SHBG: variants seen among roughly 807,000 people sequenced by gnomAD.
SHBG encodes sex hormone-binding globulin.
A neutral mutation model predicts 41.9 loss-of-function variants in SHBG; 37 were observed. The ratio of observed to expected loss-of-function variants is 0.88; its 90% CI spans 0.68 to 1.16. SHBG has a LOEUF of 1.16. SHBG is among the 50% of genes most tolerant of loss of function. The pLI is 0.00. For synonymous variants in SHBG, 217 were observed against 205.8 expected, an observed-to-expected ratio of 1.05 and a Z score of -0.47; for missense variants, 466 against 499.9, an observed-to-expected ratio of 0.93 and a Z score of 0.65.
In SHBG at chr17:7,630,711, G is replaced by A. The variant is rs1362532793; in HGVS notation, c.235G>A (p.Asp79Asn). 1.2e-6 allele frequency: 2 copies of A among 1,614,072 alleles called. No individual in the cohort carries two copies. The highest frequency in any genetic ancestry group is 2.2e-5 in the South Asian group (2 of 91,082). The change falls in exon 3 of 8, where the codon GAC becomes AAC. Residue 79 changes from aspartate (D) to asparagine (N), a missense_variant. Coordinates refer to ENST00000380450, the MANE Select transcript of SHBG (RefSeq NM_001040.5). This position sits in a 1 kb window ranked among gnomAD's most constrained non-coding sequence, Gnocchi z 4.6. ...TSSSFEVRTW[D>N]PEGVIFYGDT... The stretch of plus-strand genomic sequence containing the variant: ...CTCCTCCTTTGAGGTTCGAACCTGG[G>A]ACCCAGAGGGAGTGATTTTTTATGG...
chr17:7,621,204 G>A (rs2072090420), intron 1 of SHBG, among the ~76,000 whole-genome samples: 1 of 138,660 alleles, frequency 7.2e-6, no homozygotes, highest in Non-Finnish European at 1.6e-5. Context: ...TCGCCACGTG[G>A]GCAAATGTAT....
At chr17:7,616,430 A>AC (rs2071989410) in intron 1 of SHBG, among the ~76,000 whole-genome samples, 1 of 133,890 alleles carries the variant, frequency 7.5e-6, no homozygotes, top group African/African-American at 2.8e-5. Flanking sequence ...ACACGGTGAA[A>AC]CCCCATCTCA....
intron 1 of SHBG, among the ~76,000 whole-genome samples, chr17:7,619,157 G>A (rs2072044512): frequency 6.6e-6 from 1 of 151,886 alleles, no homozygotes; most frequent in Non-Finnish European, 1.5e-5. Flanking sequence ...TTGGGAGGCC[G>A]AGGTGGGCAG....
intron 1 of SHBG, among the ~76,000 whole-genome samples, chr17:7,620,544 C>T (rs1340776625): frequency 6.6e-6 from 1 of 152,086 alleles, no homozygotes; most frequent in Non-Finnish European, 1.5e-5. Flanking sequence ...TGGTCTCGAA[C>T]TCCTGACCTC....
intron 1 of SHBG, among the ~76,000 whole-genome samples, chr17:7,617,373 G>A (rs897118258): frequency 1.3e-5 from 2 of 151,692 alleles, no homozygotes; most frequent in African/African-American, 2.4e-5. Context: ...AGGCTGAGGC[G>A]GGTGGATCAC....
intron 6 of SHBG, 109 bp downstream of exon 6, chr17:7,632,124 T>TTCCAGCCCTGG: frequency 8.7e-7 from 1 of 1,146,158 alleles, no homozygotes; most frequent in South Asian, 1.2e-5. Flanking sequence ...CCAGGGAACA[T>TTCCAGCCCTGG]AACAAGACTG....
upstream of SHBG, chr17:7,626,558 C>T (rs1391365115): frequency 1.2e-6 from 2 of 1,614,122 alleles, no homozygotes; most frequent in African/African-American, 2.7e-5. Flanking sequence ...CCATGGCCCT[C>T]TGGTTCCAGT....
chr17:7,628,507 C>T (rs926984239), upstream of SHBG, among the ~76,000 whole-genome samples: 34 of 151,750 alleles, frequency 2.2e-4, no homozygotes, highest in Non-Finnish European at 3.5e-4. Context: ...AGTGCAGTGG[C>T]GCGATCTCGG....
At chr17:7,619,051 G>GT (rs2072042857) in intron 1 of SHBG, among the ~76,000 whole-genome samples, 3 of 152,124 alleles carry the variant, frequency 2.0e-5, no homozygotes, top group Non-Finnish European at 4.4e-5. Flanking sequence ...AAAAAGAATT[G>GT]TAACTATCCA....
intron 1 of SHBG, chr17:7,614,153 T>G (rs1242285497): frequency 6.4e-6 from 4 of 620,846 alleles, no homozygotes; most frequent in East Asian, 3.3e-5. Context: ...AATTAGAAGC[T>G]GGGTAAAGGG....
At chr17:7,617,263 G>A (rs2072010214) in intron 1 of SHBG, among the ~76,000 whole-genome samples, 1 of 151,980 alleles carries the variant, frequency 6.6e-6, no homozygotes, top group Non-Finnish European at 1.5e-5. Flanking sequence ...TGTGATGGCA[G>A]AAGAAAGACA....
chr17:7,633,025 T>G, intron 7 of SHBG, 66 bp downstream of exon 7: 1 of 1,494,800 alleles, frequency 6.7e-7, no homozygotes, highest in East Asian at 2.3e-5. Flanking sequence ...AGGCGGCACA[T>G]TTTGAGGGGA....
intron 6 of SHBG, among the ~76,000 whole-genome samples, chr17:7,632,368 C>T (rs983216909): frequency 8.6e-5 from 13 of 151,958 alleles, no homozygotes; most frequent in African/African-American, 2.9e-4. Flanking sequence ...CACTTGAGCC[C>T]AGGAGTTTGA....
chr17:7,629,536 A>C (rs371831360), upstream of SHBG, among the ~76,000 whole-genome samples: 5 of 152,142 alleles, frequency 3.3e-5, no homozygotes, highest in East Asian at 5.8e-4. Context: ...AATCATACAC[A>C]CAGACAATAC....
upstream of SHBG, chr17:7,627,182 A>G (rs1398005497): frequency 6.2e-7 from 1 of 1,614,086 alleles, no homozygotes; most frequent in South Asian, 1.1e-5. The surrounding 1 kb of genome is among the most constrained non-coding windows in gnomAD (Gnocchi z 4.8). Context: ...TCTGCTACCA[A>G]ACAGTGATAG....
chr17:7,630,445 C>A lies in SHBG; in HGVS notation c.141C>A (p.Leu47=), dbSNP rs1328890223. 8 of 1,614,150 alleles carry A rather than the reference C, an allele frequency of 5.0e-6. No homozygotes were observed. In the Admixed American group the frequency reaches 1.3e-4, roughly 27 times the overall value. ...QSAHDPPAVH[L]SNGPGQEPIA... is the part of the protein sequence containing the mutation. ...CCCACGACCCTCCGGCTGTCCACCT[C>A]AGCAATGGCCCAGGACAAGAGCCTA... The change falls in exon 2 of 8, where the codon CTC becomes CTA. Residue 47 remains leucine (L), a synonymous_variant. Transcript: ENST00000380450. The surrounding 1 kb of genome is among the most constrained non-coding windows in gnomAD (Gnocchi z 4.6).
chr17:7,621,618 A>C (rs1399948081), intron 1 of SHBG, among the ~76,000 whole-genome samples: 3 of 150,648 alleles, frequency 2.0e-5, no homozygotes, highest in African/African-American at 4.9e-5. Flanking sequence ...AAAAAAAAAA[A>C]AAAAAACCAG....
chr17:7,631,818 G>A (rs545005610), intron 5 of SHBG, 61 bp from the exon 6 acceptor site: 1 of 1,612,896 alleles, frequency 6.2e-7, no homozygotes, highest in Middle Eastern at 1.6e-4. Context: ...CTCTACCACT[G>A]GCCCCTTTCC....
chr17:7,625,254 T>C (rs2072174356), upstream of SHBG, among the ~76,000 whole-genome samples: 2 of 151,600 alleles, frequency 1.3e-5, no homozygotes, highest in South Asian at 4.2e-4. Flanking sequence ...CGGCCAGGCA[T>C]GAGCTTTTGT....
Sources: gnomAD v4.1 joint callset for allele counts (sites outside exome capture counted in the v4.1 genomes callset) on GRCh38, gnomAD v4.1.1 for gene constraint, Gnocchi (gnomAD v3.1) non-coding constraint, MANE v1.5 for transcripts, NCBI Gene and HGNC (gene_info 2026-07-23, HGNC 2026-07-21) for gene names.